The following STPG1 variants were observed in gnomAD, a reference collection of about 807,000 sequenced individuals.
The protein encoded by STPG1 is O(6)-methylguanine-induced apoptosis 2.
Under a neutral mutation model 40.1 loss-of-function variants are expected in STPG1, and 33 were observed. The observed-to-expected ratio is 0.82, with a 90% CI of 0.62 to 1.10. The LOEUF is 1.10. Ranked by LOEUF, STPG1 falls within the 50% of genes least tolerant of loss-of-function variation. The pLI, the probability that STPG1 is intolerant of heterozygous loss-of-function variation, is 0.00. For synonymous variants in STPG1, 150 were observed against 155.0 expected (o/e 0.97, Z 0.24); for missense variants, 396 against 415.1 (o/e 0.95, Z 0.40).
In STPG1 at chr1:24,359,939, A is replaced by G. The variant is rs1640984267; in HGVS notation, c.928+912T>C. ...GGGATCCCTACTTATGCTTGCCTGT[A>G]AAAAGAGTGTGGCGCTAGAAGGTTC... On this transcript the variant is annotated intron_variant, in intron 8 of 8. Coordinates refer to ENST00000337248, the MANE Select transcript of STPG1 (RefSeq NM_001199013.2). The surrounding 1 kb of genome is among the most constrained non-coding windows in gnomAD (Gnocchi z 5.3). Among the ~76,000 whole-genome samples the G allele has an allele frequency of 6.6e-6, 1 of 152,166 alleles. No individual in the cohort carries two copies. Among genetic ancestry groups the G allele is most frequent in the Non-Finnish European group, 1.5e-5 (1 of 68,024 alleles).
chr1:24,373,325 C>T (rs1641840428), intron 6 of STPG1, among the ~76,000 whole-genome samples: 1 of 152,170 alleles, frequency 6.6e-6, no homozygotes, highest in African/African-American at 2.4e-5. Context: ...GTTGAAGGAA[C>T]AGGATGTATG....
At chr1:24,371,362 C>T (rs780674448) in intron 6 of STPG1, among the ~76,000 whole-genome samples, 1 of 152,040 alleles carries the variant, frequency 6.6e-6, no homozygotes, top group Non-Finnish European at 1.5e-5. Flanking sequence ...GCAAGGTGGG[C>T]AGAACACTTG....
chr1:24,357,394 G>A lies in STPG1; in HGVS notation c.*1149C>T, dbSNP rs963915632. 2 of 152,394 alleles carry A rather than the reference G, an allele frequency of 1.3e-5. No individual in the cohort carries two copies. The highest frequency in any genetic ancestry group is 4.8e-5 in the African/African-American group (2 of 41,444). The allele number at this position is 152,394 out of a possible 1,614,324, so 9.4% of individuals were successfully genotyped here. A position where few individuals can be genotyped will look rare whatever the true frequency, so the allele number is the denominator to read the frequency against. ...AGAGCCAGTTAGGAAGCTGGAAGGTGGCGCTTCTCAACCTACACCTATCAT... is the reference window on the plus strand; with the variant it reads ...AGAGCCAGTTAGGAAGCTGGAAGGTAGCGCTTCTCAACCTACACCTATCAT... On this transcript the variant is annotated 3_prime_UTR_variant, in exon 9 of 9. Transcript: ENST00000337248.
At chr1:24,364,416 T>C (rs1641323090) in intron 7 of STPG1, 1 of 1,490,846 alleles carries the variant, frequency 6.7e-7, no homozygotes, top group African/African-American at 1.4e-5. Context: ...GCAGGTCACA[T>C]CTGAGAGCTC....
intron 1 of STPG1, among the ~76,000 whole-genome samples, chr1:24,404,128 G>GT (rs576117695): frequency 1.2e-4 from 19 of 152,048 alleles, no homozygotes; most frequent in Non-Finnish European, 2.5e-4. Flanking sequence ...TTTCCTAAGA[G>GT]TTTTTAACAG....
chr1:24,397,432 C>G (rs1296726384), intron 2 of STPG1, among the ~76,000 whole-genome samples: 1 of 152,056 alleles, frequency 6.6e-6, no homozygotes, highest in Admixed American at 6.6e-5. Flanking sequence ...AATGAGGCAA[C>G]CACTACCTGA....
At chr1:24,366,651 C>G (rs1325737372) in intron 7 of STPG1, among the ~76,000 whole-genome samples, 1 of 152,190 alleles carries the variant, frequency 6.6e-6, no homozygotes, top group East Asian at 1.9e-4. Context: ...CAGGCTGGCT[C>G]CACGTTCGTT....
intron 6 of STPG1, among the ~76,000 whole-genome samples, chr1:24,370,995 C>T (rs1641712869): frequency 6.6e-6 from 1 of 152,084 alleles, no homozygotes; most frequent in South Asian, 2.1e-4. Flanking sequence ...CCCACCACAC[C>T]ACAATGCCCT....
At chr1:24,371,892 G>GT (rs1641763937) in intron 6 of STPG1, among the ~76,000 whole-genome samples, 1 of 152,156 alleles carries the variant, frequency 6.6e-6, no homozygotes, top group Non-Finnish European at 1.5e-5. Context: ...AAATCCAGCT[G>GT]TGGGGCTGGG....
intron 1 of STPG1, among the ~76,000 whole-genome samples, chr1:24,409,873 T>A (rs1457448696): frequency 6.6e-6 from 1 of 152,202 alleles, no homozygotes; most frequent in Non-Finnish European, 1.5e-5. Context: ...TGCCAGCACT[T>A]TGGACATGCC....
At chr1:24,406,916 A>G (rs900374067) in intron 1 of STPG1, among the ~76,000 whole-genome samples, 1 of 152,210 alleles carries the variant, frequency 6.6e-6, no homozygotes, top group Non-Finnish European at 1.5e-5. Flanking sequence ...TGCACAGCTG[A>G]GTGGAATTCA....
chr1:24,363,084 G>A (rs1302636060), intron 7 of STPG1, among the ~76,000 whole-genome samples: 4 of 152,110 alleles, frequency 2.6e-5, no homozygotes, highest in African/African-American at 4.8e-5. Context: ...CATTATATGA[G>A]GTCACCCCAT....
chr1:24,378,357 C>T (rs905986558), intron 5 of STPG1, among the ~76,000 whole-genome samples: 1 of 152,044 alleles, frequency 6.6e-6, no homozygotes, highest in Non-Finnish European at 1.5e-5. Context: ...TAAATGAGGC[C>T]GGGCACGGTG....
At position 24,358,719 on chromosome 1, in the gene STPG1, G is replaced by A. The variant is rs1274711925; in HGVS notation, c.929-100C>T. ...GAGCTGGAAAGGCCTGGGGACCCCT[G>A]TGCCAGCCCCTGTATCTTACACGTG... On this transcript the variant is annotated intron_variant, in intron 8 of 8. Coordinates refer to ENST00000337248, the MANE Select transcript of STPG1 (RefSeq NM_001199013.2). 4.7e-6 allele frequency: 4 copies of A among 842,322 alleles called. No homozygotes were observed. In the South Asian group the frequency reaches 4.8e-5, roughly 10 times the overall value. The allele number at this position is 842,322 out of a possible 1,614,324, so 52.2% of individuals were successfully genotyped here.
At chr1:24,364,329 C>T (rs1265110773) in intron 7 of STPG1, 1 of 1,549,466 alleles carries the variant, frequency 6.5e-7, no homozygotes, top group Admixed American at 2.0e-5. Flanking sequence ...ATCCCAGCCC[C>T]ACCACCGTCA....
At chr1:24,367,109 C>A (rs1243834822) in intron 7 of STPG1, among the ~76,000 whole-genome samples, 1 of 152,238 alleles carries the variant, frequency 6.6e-6, no homozygotes, top group Non-Finnish European at 1.5e-5. Flanking sequence ...TGGCCATACA[C>A]CCCTGGGGCC....
intron 1 of STPG1, among the ~76,000 whole-genome samples, chr1:24,406,529 TA>T (rs1643422463): frequency 6.6e-6 from 1 of 152,162 alleles, no homozygotes; most frequent in African/African-American, 2.4e-5. Context: ...GAAATTCTTT[TA>T]ACTTTTCATG....
chr1:24,384,984 G>A (rs1642443437), intron 3 of STPG1, among the ~76,000 whole-genome samples: 1 of 152,120 alleles, frequency 6.6e-6, no homozygotes, highest in Non-Finnish European at 1.5e-5. Context: ...TATGATCAGG[G>A]CTACTTTAAG....
At chr1:24,394,877 TGAG>T (rs1416276010) in intron 2 of STPG1, among the ~76,000 whole-genome samples, 1 of 151,382 alleles carries the variant, frequency 6.6e-6, no homozygotes, top group African/African-American at 2.4e-5. Context: ...AAAAGAAATA[TGAG>T]GAGAGAAGAA....
Sources: gnomAD v4.1 joint callset for allele counts (sites outside exome capture counted in the v4.1 genomes callset) on GRCh38, gnomAD v4.1.1 for gene constraint, Gnocchi (gnomAD v3.1) non-coding constraint, MANE v1.5 for transcripts, NCBI Gene and HGNC (gene_info 2026-07-23, HGNC 2026-07-21) for gene names.